Variants in ENTPD7 observed in about 807,000 individuals in gnomAD.
ENTPD7 encodes the protein ectonucleoside triphosphate diphosphohydrolase 7, also known as NTPDase 7.
Under a neutral mutation model 77.9 loss-of-function variants are expected in ENTPD7, and 53 were observed. The ratio of observed to expected loss-of-function variants is 0.68; its 90% CI spans 0.55 to 0.85. The LOEUF is 0.85. ENTPD7 is among the 40% of genes least tolerant of loss of function. The pLI is 0.00. For missense variants in ENTPD7, 636 were observed against 743.7 expected (o/e 0.86, Z 1.68); for synonymous variants, 248 against 274.9 (o/e 0.90, Z 0.97).
At position 99,707,550 on chromosome 10, in the gene ENTPD7, GATAATTATGGTGTC is replaced by G. The variant is rs2036276471; in HGVS notation, c.*2872_*2885del. ...TGCACTTTGGTGGTTCTCCCATGAAGATAATTATGGTGTCATAAAATTCACATTCCACTGGTTCC... is the reference window on the plus strand; with the variant it reads ...TGCACTTTGGTGGTTCTCCCATGAAGATAAAATTCACATTCCACTGGTTCC... On this transcript the variant is annotated 3_prime_UTR_variant, in exon 13 of 13. Coordinates refer to ENST00000370489, the MANE Select transcript of ENTPD7 (RefSeq NM_020354.5). 6.6e-6 allele frequency among the ~76,000 whole-genome samples: 1 copy of G among 152,156 alleles called. No homozygotes were observed. Among genetic ancestry groups the G allele is most frequent in the Non-Finnish European group, 1.5e-5 (1 of 68,026 alleles).
intron 3 of ENTPD7, among the ~76,000 whole-genome samples, chr10:99,677,808 C>G (rs927932485): frequency 2.6e-5 from 4 of 152,162 alleles, no homozygotes; most frequent in African/African-American, 9.7e-5. Flanking sequence ...TGTGTATGAT[C>G]TCTGTGAGTG....
intron 5 of ENTPD7, among the ~76,000 whole-genome samples, chr10:99,682,940 G>A (rs1197933699): frequency 6.6e-6 from 1 of 152,140 alleles, no homozygotes; most frequent in African/African-American, 2.4e-5. Context: ...TTGGAGGAAA[G>A]GAGATTGTTG....
rs761796742 is a variant in ENTPD7, at chr10:99,698,559, A to T, written c.1036A>T (p.Ser346Cys). 2 of 1,614,142 alleles carry T rather than the reference A, an allele frequency of 1.2e-6. No individual in the cohort carries two copies. The highest frequency in any genetic ancestry group is 3.3e-5 in the Admixed American group (2 of 60,018). The change falls in exon 10 of 13, where the codon AGT becomes TGT. Residue 346 changes from serine to cysteine, a missense_variant. Coordinates refer to ENST00000370489, the MANE Select transcript of ENTPD7 (RefSeq NM_020354.5). Reference sequence around the variant, plus strand: ...ATTGCTTGGTCAGAAGACAGGTCTGAGTCCCGACAATCCATTTCTGGATCC... The same window carrying T: ...ATTGCTTGGTCAGAAGACAGGTCTGTGTCCCGACAATCCATTTCTGGATCC... ...NRLLGQKTGL[S>C]PDNPFLDPCL... is the part of the protein sequence containing the mutation.
Position 99,710,003 on chromosome 10 carries a change from C to G in ENTPD7, c.*5320C>G, listed in dbSNP as rs914156906. 2.3e-5 allele frequency: 23 copies of G among 985,200 alleles called. No homozygotes were observed. In the African/African-American group the frequency reaches 3.5e-4, roughly 15 times the overall value. The allele number at this position is 985,200 out of a possible 1,614,324, so 61.0% of individuals were successfully genotyped here. ...CATTGCTTGCCATTTTTATGAAAAC[C>G]AAAGTTGAAAAGTCTTCTGAATCAC... On this transcript the variant is annotated 3_prime_UTR_variant, in exon 13 of 13. Transcript: ENST00000370489.
rs1231828091 is a variant in ENTPD7 at position 99,686,051 on chromosome 10, ATTTT to A, written c.652+157_652+160del. 2.0e-5 allele frequency among the ~76,000 whole-genome samples: 3 copies of A among 151,934 alleles called. No individual in the cohort carries two copies. In the East Asian group the frequency reaches 5.8e-4, roughly 29 times the overall value. ...ACATAGTTGATTTGATTATTTGCAT[ATTTT>A]GCATTGGCATCTGTTTAGAATGCTG... On this transcript the variant is annotated intron_variant, in intron 6 of 12. Transcript: ENST00000370489.
intron 11 of ENTPD7, among the ~76,000 whole-genome samples, 174 bp downstream of exon 11, chr10:99,701,232 A>G (rs1473047458): frequency 6.6e-6 from 1 of 152,152 alleles, no homozygotes; most frequent in Non-Finnish European, 1.5e-5. Flanking sequence ...TAGCAAAGCC[A>G]GAAGAAATCA....
At chr10:99,691,163 A>ATTT (rs34046167) in intron 7 of ENTPD7, among the ~76,000 whole-genome samples, 1 of 149,218 alleles carries the variant, frequency 6.7e-6, no homozygotes, top group Non-Finnish European at 1.5e-5. Flanking sequence ...ATTAAAAAAA[A>ATTT]TTTTTTTTTT....
intron 3 of ENTPD7, among the ~76,000 whole-genome samples, chr10:99,678,015 T>A (rs368770412): frequency 9.9e-4 from 151 of 152,210 alleles, no homozygotes; most frequent in African/African-American, 3.1e-3. Flanking sequence ...TCTGAAAAAA[T>A]TCCAACACAA....
In ENTPD7 at chr10:99,696,113, A is replaced by G. The variant is rs761695011; in HGVS notation, c.1001A>G (p.Asn334Ser). The change falls in exon 9 of 13, where the codon AAC becomes AGC. Residue 334 changes from asparagine to serine, a missense_variant. Coordinates refer to ENST00000370489, the MANE Select transcript of ENTPD7 (RefSeq NM_020354.5). ...GACCTTGTTCTGAATGAAACTCTTA[A>G]CAAAAACAGGTACATTTGATATGGG... ...YEDLVLNETL[N>S]KNRLLGQKTG... 9 of 1,612,846 alleles carry G rather than the reference A, an allele frequency of 5.6e-6. No homozygotes were observed. Among genetic ancestry groups the G allele is most frequent in the Non-Finnish European group, 7.6e-6 (9 of 1,179,752 alleles).
At chr10:99,677,468 G>A (rs1479482329) in intron 3 of ENTPD7, among the ~76,000 whole-genome samples, 7 of 148,934 alleles carry the variant, frequency 4.7e-5, no homozygotes, top group Non-Finnish European at 7.4e-5. Context: ...AGGTTCAAGC[G>A]ATTCTCCTGC....
At position 99,708,689 on chromosome 10, in the gene ENTPD7, GT is replaced by G; in HGVS notation, c.*4009del. On this transcript the variant is annotated 3_prime_UTR_variant, in exon 13 of 13. Coordinates refer to ENST00000370489, the MANE Select transcript of ENTPD7 (RefSeq NM_020354.5). ...TGATGATAAGGTTGGTGGGAACAGA[GT>G]TTCTAATAGTAATCATAATAAATTT... The G allele has an allele frequency of 5.0e-6, 2 of 397,364 alleles. No homozygotes were observed. The highest frequency in any genetic ancestry group is 6.8e-6 in the Non-Finnish European group (2 of 292,572). 24.6% of individuals were successfully genotyped at this position (397,364 alleles called of 1,614,324 possible). A position where few individuals can be genotyped will look rare whatever the true frequency, so the allele number is the denominator to read the frequency against.
chr10:99,663,465 G>GTTTT (rs796785991), intron 3 of ENTPD7, among the ~76,000 whole-genome samples: 1 of 134,324 alleles, frequency 7.4e-6, no homozygotes, highest in Non-Finnish European at 1.6e-5. Context: ...GATTTTATTT[G>GTTTT]TTTTTTTTTT....
chr10:99,660,530 ACACAC>A, intron 2 of ENTPD7: 1 of 18,408 alleles, frequency 5.4e-5, no homozygotes, highest in South Asian at 2.7e-4. Context: ...GGATACGCAC[ACACAC>A]ACACACACAC....
chr10:99,676,384 A>G (rs868576979), intron 3 of ENTPD7, among the ~76,000 whole-genome samples: 18 of 152,274 alleles, frequency 1.2e-4, no homozygotes, highest in Middle Eastern at 6.8e-3. Flanking sequence ...AAGGAGTCCT[A>G]AGGCCCCCAA....
Position 99,702,631 on chromosome 10 carries a change from C to T in ENTPD7, c.1541C>T (p.Thr514Met), listed in dbSNP as rs138413355. Reference protein sequence around the residue: ...QLVYDREVQWTLGAILYKTRF... With the variant: ...QLVYDREVQWMLGAILYKTRF... ...GTGTATGACCGAGAGGTTCAGTGGA[C>T]GCTGGGAGCCATTCTATATAAAACA... The change falls in exon 12 of 13, where the codon ACG becomes ATG. Residue 514 changes from threonine to methionine, a missense_variant. By Grantham distance (81) the Thr-to-Met change is moderately conservative (BLOSUM62 -1). Transcript: ENST00000370489. 3.3e-5 allele frequency: 54 copies of T among 1,613,248 alleles called. No homozygotes were observed. In the East Asian group the frequency reaches 4.5e-4, roughly 13 times the overall value.
At chr10:99,662,380 T>C (rs1158259640) in intron 3 of ENTPD7, among the ~76,000 whole-genome samples, 3 of 152,194 alleles carry the variant, frequency 2.0e-5, no homozygotes, top group Non-Finnish European at 4.4e-5. Context: ...TCATCTTTAA[T>C]TATCACAATC....
Position 99,708,915 on chromosome 10 carries a change from A to T in ENTPD7, c.*4232A>T. On this transcript the variant is annotated 3_prime_UTR_variant, in exon 13 of 13. Transcript: ENST00000370489. Reference sequence around the variant, plus strand: ...TCTATTTTTTATAAAACAGCTGGCCACAACTAACCATGCCCCATCTTTACA... The same window carrying T: ...TCTATTTTTTATAAAACAGCTGGCCTCAACTAACCATGCCCCATCTTTACA... The T allele has an allele frequency of 1.0e-6, 1 of 985,440 alleles. No individual in the cohort carries two copies. The highest frequency in any genetic ancestry group is 4.7e-5 in the South Asian group (1 of 21,294). The allele number at this position is 985,440 out of a possible 1,614,324, so 61.0% of individuals were successfully genotyped here.
intron 9 of ENTPD7, chr10:99,697,460 C>A (rs117541343): frequency 0.016 from 2,567 of 160,970 alleles, 36 homozygotes; most frequent in Non-Finnish European, 0.028. Flanking sequence ...CTCCAAACTA[C>A]TTCTTGCCAG....
chr10:99,659,955 C>T lies in ENTPD7; in HGVS notation c.-2C>T, dbSNP rs775312232. On this transcript the variant is annotated 5_prime_UTR_variant, in exon 2 of 13. Transcript: ENST00000370489. The surrounding 1 kb of genome is among the most constrained non-coding windows in gnomAD (Gnocchi z 4.1). The stretch of plus-strand genomic sequence containing the variant: ...AGGCGTTGAGACCACCGAAGGGAAC[C>T]CATGGCTAGGTAAGGCTGCACACTT... 3.0e-5 allele frequency: 49 copies of T among 1,613,888 alleles called. No homozygotes were observed. The Admixed American group carries it at 8.0e-4, about 26-fold the overall frequency.
Sources: allele counts gnomAD v4.1 joint callset (sites outside exome capture counted in the v4.1 genomes callset), GRCh38; gene constraint gnomAD v4.1.1; non-coding constraint Gnocchi (gnomAD v3.1); transcripts MANE v1.5; gene names NCBI Gene and HGNC (gene_info 2026-07-23, HGNC 2026-07-21).